CANX: variants seen among roughly 807,000 people sequenced by gnomAD.
The protein encoded by CANX is calnexin.
In CANX, 14 loss-of-function variants were observed where a neutral mutation model predicts 75.7. That is an observed-to-expected ratio of 0.19 (90% CI 0.12 to 0.29). CANX has a LOEUF of 0.29. CANX is among the 10% of genes least tolerant of loss of function. The probability of loss-of-function intolerance (pLI) is 1.00; values close to 1 mark genes in which losing one functional copy is unlikely to be tolerated. For synonymous variants in CANX, 227 were observed against 236.9 expected, an observed-to-expected ratio of 0.96 and a Z score of 0.38; for missense variants, 567 against 713.2, an observed-to-expected ratio of 0.79 and a Z score of 2.34.
At chr5:179,700,737 TCA>T (rs1002401684) in intron 1 of CANX, 4 of 153,334 alleles carry the variant, frequency 2.6e-5, no homozygotes, top group African/African-American at 9.6e-5. Flanking sequence ...GTTTTGGCAA[TCA>T]CACTATTGCA....
chr5:179,713,235 C>T (rs536584379), intron 7 of CANX, among the ~76,000 whole-genome samples: 1 of 151,904 alleles, frequency 6.6e-6, no homozygotes, highest in South Asian at 2.1e-4. Context: ...GCACACACCA[C>T]CATGTCCAAC....
At chr5:179,696,537 A>G (rs1291019594), upstream of CANX, among the ~76,000 whole-genome samples, 3 of 152,030 alleles carry the variant, frequency 2.0e-5, no homozygotes, top group Non-Finnish European at 4.4e-5. Context: ...CAGCCTCCCA[A>G]AGTGCTGGCA....
At chr5:179,678,718 GT>G in exon 1 of CANX, 1 of 1,537,014 alleles carries the variant, frequency 6.5e-7, no homozygotes, top group Non-Finnish European at 8.7e-7. Context: ...TCTCCAGCAA[GT>G]GCATGCGCGC....
chr5:179,727,304 GC>G (rs1778727267), intron 14 of CANX, among the ~76,000 whole-genome samples: 1 of 152,318 alleles, frequency 6.6e-6, no homozygotes, highest in Admixed American at 6.5e-5. Flanking sequence ...AAACAACACA[GC>G]GTATTAGGAA....
In CANX at chr5:179,729,596, G is replaced by A. The variant is rs1224076827; in HGVS notation, c.*952G>A. 3.9e-5 allele frequency: 6 copies of A among 152,662 alleles called. No individual in the cohort carries two copies. Among genetic ancestry groups the A allele is most frequent in the African/African-American group, 1.4e-4 (6 of 41,450 alleles). 9.5% of individuals were successfully genotyped at this position (152,662 alleles called of 1,614,324 possible). On this transcript the variant is annotated 3_prime_UTR_variant, in exon 15 of 15. Coordinates refer to ENST00000247461, the MANE Select transcript of CANX (RefSeq NM_001746.4). ...TTCTTCACAGTGCAGCTTGCAGTCCGTTGCTGAAAATGATTATAAGCCCTG... is the reference window on the plus strand; with the variant it reads ...TTCTTCACAGTGCAGCTTGCAGTCCATTGCTGAAAATGATTATAAGCCCTG...
In CANX at chr5:179,709,894, C is replaced by G. The variant is rs1183586805; in HGVS notation, c.550C>G (p.Pro184Ala). The G allele has an allele frequency of 1.9e-6, 3 of 1,603,708 alleles. No homozygotes were observed. The highest frequency in any genetic ancestry group is 8.5e-7 in the Non-Finnish European group (1 of 1,176,518). ...GAAGGATCAGTTCCATGACAAGACC[C>G]CTTATACGATTATGTTTGGTCCAGA... ...LNLDQFHDKT[P>A]YTIMFGPDKC... The change falls in exon 7 of 15, where the codon CCT becomes GCT. Residue 184 changes from proline to alanine, a missense_variant. Coordinates refer to ENST00000247461, the MANE Select transcript of CANX (RefSeq NM_001746.4).
At chr5:179,721,737 ATTAT>A (rs1166032312) in intron 10 of CANX, among the ~76,000 whole-genome samples, 3 of 152,210 alleles carry the variant, frequency 2.0e-5, no homozygotes, top group African/African-American at 7.2e-5. Context: ...GCCAAGTAAA[ATTAT>A]TTATAATCTC....
intron 1 of CANX, among the ~76,000 whole-genome samples, chr5:179,690,072 C>T (rs564939984): frequency 6.6e-6 from 1 of 152,298 alleles, no homozygotes; most frequent in Non-Finnish European, 1.5e-5. Flanking sequence ...TTTTCCACAT[C>T]ACCAGCATTT....
chr5:179,699,863 G>A (rs923106843), intron 1 of CANX: 5 of 152,280 alleles, frequency 3.3e-5, no homozygotes, highest in African/African-American at 1.2e-4. Context: ...TTAACGCTAA[G>A]GCCCTGGCTC....
intron 13 of CANX, 107 bp downstream of exon 13, chr5:179,724,890 G>A: frequency 7.0e-7 from 1 of 1,424,738 alleles, no homozygotes; most frequent in Non-Finnish European, 9.4e-7. Context: ...GGTGGCTCAA[G>A]CCTGTAATCC....
At chr5:179,698,408 G>A, upstream of CANX, 4 of 1,253,874 alleles carry the variant, frequency 3.2e-6, no homozygotes, top group Non-Finnish European at 4.1e-6. Context: ...GGCTCACACA[G>A]CGCGGAGCAG....
chr5:179,712,117 G>GT lies in CANX; in HGVS notation c.721+2068dup, dbSNP rs766549898. On this transcript the variant is annotated intron_variant, in intron 7 of 14. Transcript: ENST00000247461. ...CGTCCCCCACTCCAAAAAAAAAGGT[G>GT]TTTTTTTTTTTTTTTTCTACAAAGA... Among the ~76,000 whole-genome samples, 922 of 127,696 alleles carry GT rather than the reference G, an allele frequency of 7.2e-3. 10 individuals carry two copies. Among genetic ancestry groups the GT allele is most frequent in the African/African-American group, 0.013 (470 of 35,458 alleles). The allele number at this position is 127,696 out of a possible 152,430, so 83.8% of individuals were successfully genotyped here.
chr5:179,679,138 C>CAGGGCGTGGACCTTGT, intron 1 of CANX: 1 of 1,535,638 alleles, frequency 6.5e-7, no homozygotes, highest in South Asian at 1.2e-5. Context: ...CGAAGGTTGC[C>CAGGGCGTGGACCTTGT]AGGGCGTGGA....
chr5:179,721,530 TGTG>T (rs1455990913), intron 10 of CANX, among the ~76,000 whole-genome samples: 1 of 152,192 alleles, frequency 6.6e-6, no homozygotes, highest in Non-Finnish European at 1.5e-5. Flanking sequence ...CAATCTGTGA[TGTG>T]GTGGGTAGAG....
chr5:179,698,665 A>T (rs948799539), upstream of CANX: 1 of 1,151,348 alleles, frequency 8.7e-7, no homozygotes, highest in African/African-American at 1.6e-5. Flanking sequence ...CGACGCGGGA[A>T]CGCCTGTTAA....
Position 179,684,926 on chromosome 5 carries a change from A to ATTTT in CANX, c.-4+6176_-4+6179dup, listed in dbSNP as rs71001039. The stretch of plus-strand genomic sequence containing the variant: ...TGCCACCACACCTGGCTAATTTTGT[A>ATTTT]TTTTTTTTTTTTTTTTTTTTTTTTT... On this transcript the variant is annotated intron_variant, in intron 1 of 14. Transcript: ENST00000681674. Among the ~76,000 whole-genome samples the ATTTT allele has an allele frequency of 1.4e-4, 7 of 49,146 alleles. 1 individual carries two copies. The highest frequency in any genetic ancestry group is 3.6e-4 in the African/African-American group (4 of 11,062). 32.2% of individuals were successfully genotyped at this position (49,146 alleles called of 152,430 possible).
intron 6 of CANX, 80 bp from the exon 7 acceptor site, chr5:179,709,793 A>C: frequency 2.3e-6 from 2 of 866,280 alleles, no homozygotes; most frequent in Non-Finnish European, 3.5e-6. Context: ...TTATAAGAGG[A>C]ATTATCATAC....
rs1251717844 is a variant in CANX, at chr5:179,728,764, G to A, written c.*120G>A. On this transcript the variant is annotated 3_prime_UTR_variant, in exon 15 of 15. Coordinates refer to ENST00000247461, the MANE Select transcript of CANX (RefSeq NM_001746.4). ...AGAAAACTTCAAGACATCACCATCA[G>A]CAGGCTCCAGTTGAACACTAGTCTG... is the stretch of plus-strand genomic sequence containing the variant. 1.4e-6 allele frequency: 1 copy of A among 730,976 alleles called. No homozygotes were observed. Among genetic ancestry groups the A allele is most frequent in the South Asian group, 1.5e-5 (1 of 68,530 alleles). The allele number at this position is 730,976 out of a possible 1,614,324, so 45.3% of individuals were successfully genotyped here.
chr5:179,685,057 C>T (rs1776166126), intron 1 of CANX, among the ~76,000 whole-genome samples: 1 of 146,564 alleles, frequency 6.8e-6, no homozygotes, highest in African/African-American at 2.5e-5. Context: ...GGATTACAGG[C>T]TTGAGCCACT....
Sources: gnomAD v4.1 joint callset for allele counts (sites outside exome capture counted in the v4.1 genomes callset) on GRCh38, gnomAD v4.1.1 for gene constraint, MANE v1.5 for transcripts, NCBI Gene and HGNC (gene_info 2026-07-23, HGNC 2026-07-21) for gene names.